Variants in ZNF385D observed in about 807,000 individuals in gnomAD.
The protein encoded by ZNF385D is zinc finger protein 659.
ZNF385D carries 15 observed loss-of-function variants against 35.8 expected under a neutral mutation model. The observed-to-expected ratio is 0.42, with a 90% CI of 0.28 to 0.64. The LOEUF (loss-of-function observed/expected upper bound fraction) is 0.64. Ranked by LOEUF, ZNF385D falls within the 30% of genes least tolerant of loss-of-function variation. The probability of loss-of-function intolerance (pLI) is 0.23; values close to 1 mark genes in which losing one functional copy is unlikely to be tolerated. For missense variants in ZNF385D, 474 were observed against 494.6 expected, an observed-to-expected ratio of 0.96 and a Z score of 0.39; for synonymous variants, 212 against 186.8, an observed-to-expected ratio of 1.13 and a Z score of -1.10.
At chr3:22,239,394 G>C (rs1406004949) in intron 2 of ZNF385D, among the ~76,000 whole-genome samples, 3 of 150,886 alleles carry the variant, frequency 2.0e-5, no homozygotes, top group African/African-American at 7.4e-5. Flanking sequence ...GCTAACCCTT[G>C]TTTTAAAGTG....
At chr3:21,791,792 T>C (rs1338694841) in intron 3 of ZNF385D, among the ~76,000 whole-genome samples, 1 of 152,204 alleles carries the variant, frequency 6.6e-6, no homozygotes, top group Admixed American at 6.5e-5. Flanking sequence ...TGGAGTGTAG[T>C]GGCGCGATCT....
At chr3:21,893,101 T>G (rs1698962361) in intron 3 of ZNF385D, among the ~76,000 whole-genome samples, 1 of 152,152 alleles carries the variant, frequency 6.6e-6, no homozygotes, top group Non-Finnish European at 1.5e-5. Context: ...ACTCCCTGCA[T>G]GATATCAAGT....
chr3:21,974,973 T>C (rs1039032106), intron 3 of ZNF385D, among the ~76,000 whole-genome samples: 3 of 152,124 alleles, frequency 2.0e-5, no homozygotes, highest in Non-Finnish European at 4.4e-5. Flanking sequence ...TTAGTGGAAA[T>C]GAAATTAGTA....
chr3:21,757,186 G>A (rs1424069337), intron 3 of ZNF385D, among the ~76,000 whole-genome samples: 2 of 131,758 alleles, frequency 1.5e-5, no homozygotes, highest in Non-Finnish European at 3.1e-5. Flanking sequence ...CCCCAGGCTG[G>A]AGTGGCGCAA....
At chr3:21,971,120 T>C (rs1249797939) in intron 3 of ZNF385D, among the ~76,000 whole-genome samples, 1 of 152,036 alleles carries the variant, frequency 6.6e-6, no homozygotes, top group African/African-American at 2.4e-5. Flanking sequence ...GGAAATCATC[T>C]GAAGGTACAA....
At chr3:21,490,772 G>T (rs3965317) in intron 4 of ZNF385D, among the ~76,000 whole-genome samples, 105 of 147,570 alleles carry the variant, frequency 7.1e-4, no homozygotes, top group South Asian at 4.6e-3. Flanking sequence ...ATGAGACTTG[G>T]CTCCTTTTCT....
At chr3:22,011,399 G>A (rs148081694) in intron 3 of ZNF385D, among the ~76,000 whole-genome samples, 78 of 152,192 alleles carry the variant, frequency 5.1e-4, no homozygotes, top group African/African-American at 1.7e-3. Flanking sequence ...TGTCCCAAGA[G>A]TGAACCCAAT....
intron 3 of ZNF385D, among the ~76,000 whole-genome samples, chr3:21,555,378 C>G (rs757862898): frequency 1.4e-4 from 22 of 152,076 alleles, no homozygotes; most frequent in Non-Finnish European, 3.2e-4. Flanking sequence ...CCCCCTGACC[C>G]TTCGACAGGC....
intron 2 of ZNF385D, among the ~76,000 whole-genome samples, chr3:22,348,342 T>C (rs1170286577): frequency 6.6e-6 from 1 of 151,824 alleles, no homozygotes; most frequent in East Asian, 1.9e-4. Context: ...ATTTGAATAA[T>C]AACCTTATAA....
At chr3:21,730,270 C>T (rs377703611) in intron 1 of ZNF385D, among the ~76,000 whole-genome samples, 1 of 152,166 alleles carries the variant, frequency 6.6e-6, no homozygotes. Context: ...ACAGATGAGC[C>T]TTAACCACAA....
intron 3 of ZNF385D, among the ~76,000 whole-genome samples, chr3:22,081,514 C>T (rs987751730): frequency 5.3e-5 from 8 of 152,140 alleles, no homozygotes; most frequent in African/African-American, 1.9e-4. Flanking sequence ...TTGAGCTAGC[C>T]ATTCACCAAA....
intron 3 of ZNF385D, among the ~76,000 whole-genome samples, chr3:22,126,303 G>C (rs958973398): frequency 2.6e-5 from 3 of 115,902 alleles, no homozygotes; most frequent in African/African-American, 6.2e-5. Context: ...TTATGTATTT[G>C]AAAGTTGTTT....
At chr3:21,863,780 G>A (rs1269300738) in intron 3 of ZNF385D, among the ~76,000 whole-genome samples, 1 of 152,130 alleles carries the variant, frequency 6.6e-6, no homozygotes, top group Non-Finnish European at 1.5e-5. Flanking sequence ...GACTCATGTT[G>A]CCAGTAAAGA....
chr3:21,920,984 G>C (rs944001430), intron 3 of ZNF385D, among the ~76,000 whole-genome samples: 9 of 152,032 alleles, frequency 5.9e-5, no homozygotes, highest in Non-Finnish European at 1.2e-4. Flanking sequence ...GGGAGGCTGA[G>C]GCGGGCGGAT....
At chr3:22,028,467 C>G (rs906512086) in intron 3 of ZNF385D, among the ~76,000 whole-genome samples, 2 of 152,158 alleles carry the variant, frequency 1.3e-5, no homozygotes, top group South Asian at 4.1e-4. Context: ...CAGCAGAGAC[C>G]AACACTGAGC....
At chr3:22,138,724 A>C (rs1704313130) in intron 3 of ZNF385D, among the ~76,000 whole-genome samples, 1 of 152,094 alleles carries the variant, frequency 6.6e-6, no homozygotes, top group South Asian at 2.1e-4. Flanking sequence ...CTAGAAGAAA[A>C]CCTAGGCAAT....
chr3:21,848,623 T>C (rs1363016551), intron 3 of ZNF385D, among the ~76,000 whole-genome samples: 4 of 151,642 alleles, frequency 2.6e-5, no homozygotes, highest in Non-Finnish European at 5.9e-5. Context: ...CATCAACAAA[T>C]TGGACAATCT....
chr3:21,963,996 G>A (rs556470756), intron 3 of ZNF385D, among the ~76,000 whole-genome samples: 23 of 152,152 alleles, frequency 1.5e-4, no homozygotes, highest in Admixed American at 3.9e-4. Context: ...GTACAAAAGC[G>A]ACTAAGTATT....
intron 3 of ZNF385D, among the ~76,000 whole-genome samples, chr3:21,933,013 G>A (rs145163139): frequency 0.01 from 1,553 of 152,220 alleles, 29 homozygotes; most frequent in African/African-American, 0.035. Context: ...TTCCCCCAGG[G>A]GATGTTGAAG....
Sources: gnomAD v4.1 joint callset for allele counts (sites outside exome capture counted in the v4.1 genomes callset) on GRCh38, gnomAD v4.1.1 for gene constraint, MANE v1.5 for transcripts, NCBI Gene and HGNC (gene_info 2026-07-23, HGNC 2026-07-21) for gene names.